The following AXDND1 variants were observed in gnomAD, a reference collection of about 807,000 sequenced individuals.
The protein encoded by AXDND1 is axonemal dynein light chain domain-containing protein 1.
Under a neutral mutation model 137.5 loss-of-function variants are expected in AXDND1, and 110 were observed. The ratio of observed to expected loss-of-function variants is 0.80; its 90% CI spans 0.69 to 0.94. AXDND1 has a LOEUF of 0.94. Ranked by LOEUF, AXDND1 falls within the 40% of genes least tolerant of loss-of-function variation. The pLI is 0.00. For missense variants in AXDND1, 1,191 were observed against 1,169.8 expected, an observed-to-expected ratio of 1.02 and a Z score of -0.26; for synonymous variants, 414 against 399.7, an observed-to-expected ratio of 1.04 and a Z score of -0.43.
intron 18 of AXDND1, among the ~76,000 whole-genome samples, chr1:179,488,568 A>C (rs1666342155): frequency 7.0e-6 from 1 of 143,394 alleles, no homozygotes; most frequent in African/African-American, 2.7e-5. Flanking sequence ...ACCTGGCCTG[A>C]TCTATCTTTC....
At chr1:179,380,038 G>A (rs192084000) in intron 6 of AXDND1, among the ~76,000 whole-genome samples, 16 of 151,888 alleles carry the variant, frequency 1.1e-4, no homozygotes, top group Admixed American at 9.2e-4. Context: ...TCACGAGGTC[G>A]GGAGATCAAG....
At chr1:179,547,050 G>A (rs1244189805) in intron 25 of AXDND1, among the ~76,000 whole-genome samples, 1 of 152,186 alleles carries the variant, frequency 6.6e-6, no homozygotes, top group East Asian at 1.9e-4. Flanking sequence ...TTTAAAGCCT[G>A]CTGGAAATTC....
chr1:179,400,481 C>T (rs968458267), intron 11 of AXDND1, among the ~76,000 whole-genome samples: 6 of 151,782 alleles, frequency 4.0e-5, no homozygotes, highest in South Asian at 2.1e-4. Context: ...GTATACTGCT[C>T]GAGTGATGGG....
intron 16 of AXDND1, among the ~76,000 whole-genome samples, chr1:179,463,586 G>A (rs974495396): frequency 8.5e-5 from 13 of 152,252 alleles, no homozygotes; most frequent in African/African-American, 2.9e-4. Context: ...TAAGAAGAAT[G>A]TATATTCTGT....
intron 21 of AXDND1, among the ~76,000 whole-genome samples, chr1:179,512,859 G>A (rs777072538): frequency 6.6e-5 from 10 of 152,038 alleles, no homozygotes; most frequent in East Asian, 1.9e-4. Flanking sequence ...TTGACTCTCC[G>A]CTTGGTAGCT....
At chr1:179,397,386 A>T (rs1187774777) in intron 11 of AXDND1, among the ~76,000 whole-genome samples, 1 of 151,928 alleles carries the variant, frequency 6.6e-6, no homozygotes, top group Non-Finnish European at 1.5e-5. Context: ...TTTGTAGGTG[A>T]CCTGACTTTT....
At chr1:179,528,568 C>T (rs913386419) in intron 23 of AXDND1, 137 bp downstream of exon 23, 8 of 450,744 alleles carry the variant, frequency 1.8e-5, no homozygotes, top group Non-Finnish European at 3.0e-5. Flanking sequence ...TATTTTTCTT[C>T]CAACATAATT....
chr1:179,371,976 C>T (rs1400669543), intron 4 of AXDND1, among the ~76,000 whole-genome samples: 1 of 152,122 alleles, frequency 6.6e-6, no homozygotes, highest in African/African-American at 2.4e-5. Flanking sequence ...GAAACACAGT[C>T]CTGCCAATGC....
intron 11 of AXDND1, among the ~76,000 whole-genome samples, chr1:179,408,300 A>AT (rs1653292396): frequency 6.6e-6 from 1 of 150,604 alleles, no homozygotes; most frequent in Non-Finnish European, 1.5e-5. Context: ...CTAGATAATT[A>AT]TTTTTTCATG....
intron 15 of AXDND1, among the ~76,000 whole-genome samples, chr1:179,434,348 T>C (rs1657824984): frequency 6.6e-6 from 1 of 152,108 alleles, no homozygotes; most frequent in Non-Finnish European, 1.5e-5. Context: ...CTTAACTCAT[T>C]TATGAGGCCA....
chr1:179,383,521 C>G lies in AXDND1; in HGVS notation c.718C>G (p.Gln240Glu). Residue 240 changes from glutamine (Q) to glutamate (E), a missense_variant, in exon 8 of 26, where the codon CAG (glutamine) becomes GAG (glutamate). Physicochemically the swap from Gln to Glu is conservative, Grantham distance 29. Transcript: ENST00000367618. ...TMLERAGVEN[Q>E]EYTGPTKMHK... ...GCTAGAGAGGGCTGGTGTGGAAAAT[C>G]AGGAATATACAGGACCAACGAAGGT... 6.2e-7 allele frequency: 1 copy of G among 1,613,458 alleles called. No individual in the cohort carries two copies. The highest frequency in any genetic ancestry group is 2.2e-5 in the East Asian group (1 of 44,854).
chr1:179,459,858 T>C (rs552138395), intron 16 of AXDND1, among the ~76,000 whole-genome samples: 2 of 148,770 alleles, frequency 1.3e-5, no homozygotes, highest in Admixed American at 6.7e-5. Context: ...TTCCTTCCTT[T>C]CTTTCCTTCC....
At position 179,436,591 on chromosome 1, in the gene AXDND1, C is replaced by G. The variant is rs187206365; in HGVS notation, c.1563+4249C>G. 5.3e-3 allele frequency among the ~76,000 whole-genome samples: 800 copies of G among 152,238 alleles called. 9 individuals carry two copies. Among genetic ancestry groups the G allele is most frequent in the African/African-American group, 0.019 (776 of 41,522 alleles). The stretch of plus-strand genomic sequence containing the variant: ...CATCCTCAACAAACTAACACAGGAA[C>G]AGAAAACAAAACACTGCTTGTTCTC... On this transcript the variant is annotated intron_variant, in intron 15 of 25. Transcript: ENST00000367618.
intron 20 of AXDND1, among the ~76,000 whole-genome samples, chr1:179,494,541 C>CTT (rs34915274): frequency 7.1e-6 from 1 of 141,568 alleles, no homozygotes; most frequent in Non-Finnish European, 1.5e-5. Flanking sequence ...TGTGATTTGT[C>CTT]TTTTTTTTTT....
chr1:179,485,168 GC>G (rs1197212242), intron 18 of AXDND1, among the ~76,000 whole-genome samples: 1 of 152,166 alleles, frequency 6.6e-6, no homozygotes, highest in Non-Finnish European at 1.5e-5. Context: ...CCTCATTAGT[GC>G]CCCACCACAG....
At chr1:179,432,667 C>A (rs1657554046) in intron 15 of AXDND1, among the ~76,000 whole-genome samples, 1 of 152,152 alleles carries the variant, frequency 6.6e-6, no homozygotes, top group Non-Finnish European at 1.5e-5. Context: ...CTGAAGTGAT[C>A]CACCCACCTC....
At chr1:179,437,309 T>G (rs114495171) in intron 15 of AXDND1, among the ~76,000 whole-genome samples, 3,031 of 152,154 alleles carry the variant, frequency 0.02, 106 homozygotes, top group African/African-American at 0.069. Flanking sequence ...GGCGGGTGAT[T>G]GTCGGGTAAT....
intron 20 of AXDND1, among the ~76,000 whole-genome samples, chr1:179,507,847 C>T (rs1217619817): frequency 1.3e-5 from 2 of 152,036 alleles, no homozygotes; most frequent in African/African-American, 4.8e-5. Context: ...GAAGTTAGGA[C>T]TAAAACCCAA....
chr1:179,366,310 A>T, intron 1 of AXDND1, 94 bp from the exon 2 acceptor site: 1 of 474,448 alleles, frequency 2.1e-6, no homozygotes, highest in South Asian at 2.3e-5. Context: ...AAGGAGAACC[A>T]TGCTAGATGA....
Sources: allele counts gnomAD v4.1 joint callset (sites outside exome capture counted in the v4.1 genomes callset), GRCh38; gene constraint gnomAD v4.1.1; transcripts MANE v1.5; gene names NCBI Gene and HGNC (gene_info 2026-07-23, HGNC 2026-07-21).